EXT2: variants seen among roughly 807,000 people sequenced by gnomAD.
EXT2 encodes exostosin-2.
A neutral mutation model predicts 81.6 loss-of-function variants in EXT2; 53 were observed. The ratio of observed to expected loss-of-function variants is 0.65; its 90% CI spans 0.52 to 0.82. The LOEUF (loss-of-function observed/expected upper bound fraction) is 0.82, where lower values mean the gene tolerates loss of function less well. Among genes scored for constraint, EXT2 ranks in the 40% least tolerant of loss-of-function variants. EXT2 has a pLI of 0.00. For synonymous variants in EXT2, 320 were observed against 340.0 expected, an observed-to-expected ratio of 0.94 and a Z score of 0.65; for missense variants, 774 against 910.2, an observed-to-expected ratio of 0.85 and a Z score of 1.93.
At chr11:44,131,274 A>G (rs1007197069) in intron 7 of EXT2, among the ~76,000 whole-genome samples, 2 of 151,970 alleles carry the variant, frequency 1.3e-5, no homozygotes, top group African/African-American at 4.8e-5. Context: ...ATTCCCCTTA[A>G]TTGTCATTTT....
intron 1 of EXT2, among the ~76,000 whole-genome samples, chr11:44,103,176 G>A (rs1283724914): frequency 6.6e-6 from 1 of 151,638 alleles, no homozygotes; most frequent in Non-Finnish European, 1.5e-5. Flanking sequence ...TCTCCCCTTT[G>A]GCTGCTTTTA....
intron 1 of EXT2, among the ~76,000 whole-genome samples, chr11:44,100,175 T>A: frequency 6.6e-6 from 1 of 152,196 alleles, no homozygotes; most frequent in East Asian, 1.9e-4. Context: ...CTGACTCCTC[T>A]CCTTACTTCC....
chr11:44,177,839 A>G (rs1955180413), intron 8 of EXT2, among the ~76,000 whole-genome samples: 1 of 152,112 alleles, frequency 6.6e-6, no homozygotes, highest in Non-Finnish European at 1.5e-5. Context: ...AGGGGTTCTT[A>G]TGGCCATTGA....
chr11:44,096,061 C>T (rs2134931480), intron 1 of EXT2: 1 of 661,432 alleles, frequency 1.5e-6, no homozygotes, highest in East Asian at 2.8e-5. Context: ...ATTTCCACTC[C>T]TGCTTCTCCT....
At chr11:44,128,809 C>G (rs957482279) in intron 6 of EXT2, among the ~76,000 whole-genome samples, 1 of 152,138 alleles carries the variant, frequency 6.6e-6, no homozygotes, top group Non-Finnish European at 1.5e-5. Context: ...TTTTTTGAGT[C>G]TCAGTTCTCC....
intron 9 of EXT2, among the ~76,000 whole-genome samples, chr11:44,202,343 G>C (rs193075419): frequency 2.2e-4 from 34 of 152,324 alleles, no homozygotes; most frequent in African/African-American, 8.2e-4. Flanking sequence ...TGTAAGTCCA[G>C]ATTCCATCCA....
chr11:44,209,145 T>C (rs766845613), intron 10 of EXT2, among the ~76,000 whole-genome samples: 1 of 152,204 alleles, frequency 6.6e-6, no homozygotes, highest in Non-Finnish European at 1.5e-5. Context: ...ATTATTTGCA[T>C]TGGATGAAAT....
chr11:44,140,842 A>G (rs1954635995), intron 7 of EXT2, among the ~76,000 whole-genome samples: 1 of 152,082 alleles, frequency 6.6e-6, no homozygotes, highest in Admixed American at 6.6e-5. Context: ...CAAACATGTT[A>G]TTTTTCCTTT....
chr11:44,217,341 C>G (rs1444987634), intron 10 of EXT2, among the ~76,000 whole-genome samples: 1 of 151,990 alleles, frequency 6.6e-6, no homozygotes, highest in Non-Finnish European at 1.5e-5. Flanking sequence ...GGACCGAATA[C>G]CGGGTATCAT....
intron 7 of EXT2, chr11:44,144,434 C>T (rs900486345): frequency 9.3e-7 from 1 of 1,080,444 alleles, no homozygotes; most frequent in African/African-American, 1.6e-5. Context: ...TGGTCAGTGG[C>T]TCCTGCTTTA....
At chr11:44,175,633 C>G (rs1321593806) in intron 8 of EXT2, among the ~76,000 whole-genome samples, 1 of 152,192 alleles carries the variant, frequency 6.6e-6, no homozygotes, top group Non-Finnish European at 1.5e-5. Context: ...AGCATGTTAT[C>G]TGTGTTTCTT....
chr11:44,234,916 T>G (rs1955943344), intron 12 of EXT2, among the ~76,000 whole-genome samples: 1 of 152,224 alleles, frequency 6.6e-6, no homozygotes, highest in South Asian at 2.1e-4. Context: ...TTTTGTGTGT[T>G]AAAATGGGCA....
In EXT2 at chr11:44,248,380, C is replaced by T. The variant is rs557904033; in HGVS notation, c.*4093C>T. Reference sequence around the variant, plus strand: ...CAACTTGAGCTTTCCACTGCAGGGCCTGGAGGCATATGAAACCTGTGGGGC... The same window carrying T: ...CAACTTGAGCTTTCCACTGCAGGGCTTGGAGGCATATGAAACCTGTGGGGC... On this transcript the variant is annotated 3_prime_UTR_variant, in exon 14 of 14. Transcript: ENST00000533608. Among the ~76,000 whole-genome samples the T allele has an allele frequency of 4.3e-4, 65 of 152,312 alleles. No homozygotes were observed. The highest frequency in any genetic ancestry group is 7.2e-4 in the Non-Finnish European group (49 of 68,026).
At chr11:44,192,247 C>T (rs1442582701) in intron 8 of EXT2, among the ~76,000 whole-genome samples, 1 of 151,984 alleles carries the variant, frequency 6.6e-6, no homozygotes, top group Non-Finnish European at 1.5e-5. Flanking sequence ...AAAGGCACTG[C>T]TCAGACCTCC....
chr11:44,236,984 C>T (rs778793638), intron 13 of EXT2, among the ~76,000 whole-genome samples: 2 of 152,116 alleles, frequency 1.3e-5, no homozygotes, highest in Non-Finnish European at 2.9e-5. Flanking sequence ...GTATGTCTTC[C>T]GTTAAGACTA....
At chr11:44,129,420 C>T (rs886100677) in intron 6 of EXT2, among the ~76,000 whole-genome samples, 1 of 152,198 alleles carries the variant, frequency 6.6e-6, no homozygotes, top group African/African-American at 2.4e-5. Context: ...TACTCTGCTC[C>T]AGCCACAATA....
At chr11:44,136,154 G>A (rs1278741031) in intron 7 of EXT2, among the ~76,000 whole-genome samples, 1 of 152,144 alleles carries the variant, frequency 6.6e-6, no homozygotes, top group Non-Finnish European at 1.5e-5. Flanking sequence ...CCAGACTGAT[G>A]TACTGAGGGT....
In EXT2 at chr11:44,244,996, T is replaced by A. The variant is rs1956080421; in HGVS notation, c.*709T>A. The A allele has an allele frequency of 4.3e-6, 1 of 232,294 alleles. No individual in the cohort carries two copies. Among genetic ancestry groups the A allele is most frequent in the South Asian group, 1.8e-4 (1 of 5,538 alleles). 14.4% of individuals were successfully genotyped at this position (232,294 alleles called of 1,614,324 possible). On this transcript the variant is annotated 3_prime_UTR_variant, in exon 14 of 14. Transcript: ENST00000533608. ...AACCACCTTTCTCCCTTGATATATT[T>A]AACTCCGTCTTTGGCCTGACAACAG... is the stretch of plus-strand genomic sequence containing the variant.
At chr11:44,175,321 C>T (rs1029488760) in intron 8 of EXT2, among the ~76,000 whole-genome samples, 7 of 151,746 alleles carry the variant, frequency 4.6e-5, no homozygotes, top group African/African-American at 9.7e-5. Flanking sequence ...ATGGTATTGG[C>T]GTCCAAACTC....
Sources: gnomAD v4.1 joint callset for allele counts (sites outside exome capture counted in the v4.1 genomes callset) on GRCh38, gnomAD v4.1.1 for gene constraint, MANE v1.5 for transcripts, NCBI Gene and HGNC (gene_info 2026-07-23, HGNC 2026-07-21) for gene names.